Variants in LRP1 observed in about 807,000 individuals in gnomAD.
LRP1 encodes LDL receptor related protein 1.
LRP1 carries 51 observed loss-of-function variants against 541.5 expected under a neutral mutation model. That is an observed-to-expected ratio of 0.09 (90% CI 0.08 to 0.12). The LOEUF is 0.12. Ranked by LOEUF, LRP1 falls within the 10% of genes least tolerant of loss-of-function variation. LRP1 has a pLI of 1.00. For synonymous variants in LRP1, 2,219 were observed against 2,470.8 expected (o/e 0.90, Z 3.02); for missense variants, 3,878 against 6,376.2 (o/e 0.61, Z 13.34).
chr12:57,134,796 C>G (rs1265836697), intron 1 of LRP1, among the ~76,000 whole-genome samples: 1 of 152,134 alleles, frequency 6.6e-6, no homozygotes, highest in Non-Finnish European at 1.5e-5. Flanking sequence ...GCTCCGCCTC[C>G]CCTGGTTCAC....
Position 57,195,902 on chromosome 12 carries a change from A to G in LRP1, c.8600A>G (p.Asn2867Ser), listed in dbSNP as rs773493186. 13 of 1,613,614 alleles carry G rather than the reference A, an allele frequency of 8.1e-6. No homozygotes were observed. The highest frequency in any genetic ancestry group is 1.6e-4 in the Middle Eastern group (1 of 6,084). ...TCGPSEFRCANGRCLSSRQWE... is the reference protein window; with the variant it reads ...TCGPSEFRCASGRCLSSRQWE... ...GGCCCCAGTGAGTTCCGCTGTGCCA[A>G]TGGGCGCTGTCTGAGCTCCCGCCAG... Residue 2867 changes from asparagine to serine, a missense_variant, in exon 54 of 89, where the codon AAT becomes AGT. Asn to Ser is a conservative substitution (Grantham distance 46, BLOSUM62 1). Coordinates refer to ENST00000243077, the MANE Select transcript of LRP1 (RefSeq NM_002332.3).
Position 57,178,121 on chromosome 12 carries a change from G to C in LRP1, c.4362-238G>C, listed in dbSNP as rs7953336. On this transcript the variant is annotated intron_variant, in intron 26 of 88. Transcript: ENST00000243077. The surrounding 1 kb of genome is among the most constrained non-coding windows in gnomAD (Gnocchi z 5.8). ...ACAGCAGCCCTGGGGAGAAGTGACC[G>C]AAAGATTCCCTTGGGGCTTGGGAAT... 1.3e-5 allele frequency among the ~76,000 whole-genome samples: 2 copies of C among 152,084 alleles called. No homozygotes were observed. Among genetic ancestry groups the C allele is most frequent in the African/African-American group, 2.4e-5 (1 of 41,384 alleles).
Position 57,191,510 on chromosome 12 carries a change from G to A in LRP1, c.7427G>A (p.Ser2476Asn). ...GIIAVANDTNSCELSPCRINN... is the reference protein window; with the variant it reads ...GIIAVANDTNNCELSPCRINN... ...ATCGCCGTGGCCAACGACACCAACA[G>A]CTGTGAGTGGGGCTGCCGCCAGCTG... The change falls in exon 44 of 89, where the codon AGC (serine) becomes AAC (asparagine). Residue 2476 changes from serine to asparagine, a missense_variant and splice_region_variant. Ser to Asn is a conservative substitution (Grantham distance 46). Transcript: ENST00000243077. 1 of 1,586,092 alleles carries A rather than the reference G, an allele frequency of 6.3e-7. No homozygotes were observed. Among genetic ancestry groups the A allele is most frequent in the Non-Finnish European group, 8.6e-7 (1 of 1,161,950 alleles).
At chr12:57,137,346 G>A (rs1818040232) in intron 1 of LRP1, among the ~76,000 whole-genome samples, 1 of 152,094 alleles carries the variant, frequency 6.6e-6, no homozygotes, top group Non-Finnish European at 1.5e-5. Context: ...TGATTGGGGT[G>A]GGAGGGTAGG....
chr12:57,138,786 C>G (rs1026218648), intron 2 of LRP1, among the ~76,000 whole-genome samples: 1 of 152,176 alleles, frequency 6.6e-6, no homozygotes, highest in African/African-American at 2.4e-5. Context: ...AATGGCACCT[C>G]AGATTTCTCC....
intron 13 of LRP1, among the ~76,000 whole-genome samples, chr12:57,161,543 T>C (rs1305021973): frequency 2.0e-5 from 3 of 152,122 alleles, no homozygotes; most frequent in African/African-American, 7.2e-5. Flanking sequence ...TCACGAGTCA[T>C]GTACGTGTTC....
chr12:57,198,802 ACTGGG>A, intron 60 of LRP1, 132 bp downstream of exon 60: 3 of 918,172 alleles, frequency 3.3e-6, no homozygotes, highest in South Asian at 3.2e-5. Flanking sequence ...GACACCACTC[ACTGGG>A]GTGTGGGGTT....
chr12:57,191,241 C>T, intron 43 of LRP1, 79 bp from the exon 44 acceptor site: 1 of 1,401,900 alleles, frequency 7.1e-7, no homozygotes, highest in Non-Finnish European at 9.7e-7. Flanking sequence ...CTGTCAGAGG[C>T]CAGGCCAGGC....
rs751954726 is a variant in LRP1, at chr12:57,204,647, A to C, written c.11092A>C (p.Asn3698His). The change falls in exon 72 of 89, where the codon AAC becomes CAC. Residue 3698 changes from asparagine (N) to histidine (H), a missense_variant. Coordinates refer to ENST00000243077, the MANE Select transcript of LRP1 (RefSeq NM_002332.3). The surrounding 1 kb of genome is among the most constrained non-coding windows in gnomAD (Gnocchi z 5.3). ...EECARFVCPP[N>H]RPFRCKNDRV... The stretch of plus-strand genomic sequence containing the variant: ...TGCAGCCCGGTTCGTGTGCCCTCCC[A>C]ACCGGCCCTTCCGTTGCAAGAATGA... 6.2e-7 allele frequency: 1 copy of C among 1,613,888 alleles called. No homozygotes were observed. Among genetic ancestry groups the C allele is most frequent in the African/African-American group, 1.3e-5 (1 of 75,018 alleles).
At position 57,173,240 on chromosome 12, in the gene LRP1, G is replaced by A. The variant is rs1294484171; in HGVS notation, c.3236G>A (p.Arg1079Gln). Residue 1079 changes from arginine (R) to glutamine (Q), a missense_variant, in exon 21 of 89, where the codon CGG (arginine) becomes CAG (glutamine). Coordinates refer to ENST00000243077, the MANE Select transcript of LRP1 (RefSeq NM_002332.3). The surrounding 1 kb of genome is among the most constrained non-coding windows in gnomAD (Gnocchi z 4.7). ...CTGGATGGACTATGCATCCCCCTGC[G>A]GTGGCGCTGCGATGGGGACACTGAC... ...CRLDGLCIPL[R>Q]WRCDGDTDCM... 1.9e-6 allele frequency: 3 copies of A among 1,614,016 alleles called. No homozygotes were observed. Among genetic ancestry groups the A allele is most frequent in the Non-Finnish European group, 2.5e-6 (3 of 1,180,012 alleles).
At chr12:57,149,244 G>A (rs2136668213) in intron 6 of LRP1, 1 of 438,824 alleles carries the variant, frequency 2.3e-6, no homozygotes, top group East Asian at 3.4e-5. Context: ...GCTGTTTGGG[G>A]AGGGGTGGCT....
At chr12:57,168,491 G>T (rs2035882015) in intron 19 of LRP1, among the ~76,000 whole-genome samples, 4 of 152,184 alleles carry the variant, frequency 2.6e-5, no homozygotes, top group African/African-American at 7.2e-5. Flanking sequence ...GAGAGAGTTA[G>T]AGAAGCAAAT....
At position 57,192,934 on chromosome 12, in the gene LRP1, G is replaced by A. The variant is rs759883573; in HGVS notation, c.7519G>A (p.Gly2507Arg). The part of the protein sequence containing the change: ...HQGHVNCSCR[G>R]GRILQDDLTC... ...GGGCCATGTCAACTGCTCATGCCGA[G>A]GGGGCCGAATCCTCCAGGATGACCT... Residue 2507 changes from glycine to arginine, a missense_variant, in exon 45 of 89, where the codon GGG (glycine) becomes AGG (arginine). Physicochemically the swap from Gly to Arg is moderately radical, Grantham distance 125 (BLOSUM62 -2). This residue lies in a region of LRP1 where 1,100 missense variants were observed against 1,827.4 expected (regional missense o/e 0.60). Transcript: ENST00000243077. The A allele has an allele frequency of 8.7e-6, 14 of 1,613,838 alleles. No homozygotes were observed. In the South Asian group the frequency reaches 1.4e-4, roughly 16 times the overall value.
intron 12 of LRP1, among the ~76,000 whole-genome samples, chr12:57,160,646 C>T (rs772053207): frequency 1.3e-5 from 2 of 152,162 alleles, no homozygotes; most frequent in African/African-American, 2.4e-5. Context: ...ATGGGAGCTC[C>T]GTGGGAGCAG....
At position 57,208,026 on chromosome 12, in the gene LRP1, G is replaced by T. The variant is rs377582511; in HGVS notation, c.11860-12G>T. Reference sequence around the variant, plus strand: ...CAAAGCAGTGGCCCCTGAACCTGTGGCTTCCATTCAGATTTCAGGGCTGAA... The same window carrying T: ...CAAAGCAGTGGCCCCTGAACCTGTGTCTTCCATTCAGATTTCAGGGCTGAA... On this transcript the variant is annotated splice_polypyrimidine_tract_variant and intron_variant, in intron 76 of 88. Coordinates refer to ENST00000243077, the MANE Select transcript of LRP1 (RefSeq NM_002332.3). The T allele has an allele frequency of 1.9e-6, 3 of 1,612,898 alleles. No individual in the cohort carries two copies. Among genetic ancestry groups the T allele is most frequent in the Non-Finnish European group, 2.5e-6 (3 of 1,179,158 alleles).
At chr12:57,192,200 C>T (rs1354681433) in intron 44 of LRP1, among the ~76,000 whole-genome samples, 1 of 151,922 alleles carries the variant, frequency 6.6e-6, no homozygotes, top group South Asian at 2.1e-4. Flanking sequence ...CCTGGGCCTC[C>T]ATTACACAGA....
At chr12:57,146,406 G>T (rs1020703000) in intron 6 of LRP1, 2 of 152,212 alleles carry the variant, frequency 1.3e-5, no homozygotes, top group Non-Finnish European at 2.9e-5. Context: ...GAGCTTGTCT[G>T]TCTAGATCAG....
chr12:57,192,368 C>A (rs1372452571), intron 44 of LRP1, among the ~76,000 whole-genome samples: 1 of 152,182 alleles, frequency 6.6e-6, no homozygotes, highest in Non-Finnish European at 1.5e-5. Flanking sequence ...CCTCAGGGCT[C>A]ATCCATGCCC....
At position 57,191,783 on chromosome 12, in the gene LRP1, TA is replaced by T. The variant is rs1388432631; in HGVS notation, c.7429+272del. Among the ~76,000 whole-genome samples the T allele has an allele frequency of 2.8e-4, 8 of 28,930 alleles. No individual in the cohort carries two copies. In the Admixed American group the frequency reaches 3.0e-3, roughly 11 times the overall value. The allele number at this position is 28,930 out of a possible 152,430, so 19.0% of individuals were successfully genotyped here. On this transcript the variant is annotated intron_variant, in intron 44 of 88. Transcript: ENST00000243077. ...CATACACACACATACACACCCCACA[TA>T]CACACACCACACATATCACATGCAC... is the stretch of plus-strand genomic sequence containing the variant.
Sources: gnomAD v4.1 joint callset for allele counts (sites outside exome capture counted in the v4.1 genomes callset) on GRCh38, gnomAD v4.1.1 for gene constraint, gnomAD v4.1.1 regional missense constraint, Gnocchi (gnomAD v3.1) non-coding constraint, MANE v1.5 for transcripts, NCBI Gene and HGNC (gene_info 2026-07-23, HGNC 2026-07-21) for gene names.